The following KCNIP4 variants were observed in gnomAD, a reference collection of about 807,000 sequenced individuals.
KCNIP4 encodes Kv channel-interacting protein 4.
Under a neutral mutation model 34.0 loss-of-function variants are expected in KCNIP4, and 12 were observed. The ratio of observed to expected loss-of-function variants is 0.35; its 90% CI spans 0.23 to 0.57. The LOEUF is 0.57. Ranked by LOEUF, KCNIP4 falls within the 20% of genes least tolerant of loss-of-function variation. The pLI, the probability that KCNIP4 is intolerant of heterozygous loss-of-function variation, is 0.83. For missense variants in KCNIP4, 238 were observed against 311.7 expected (o/e 0.76, Z 1.78); for synonymous variants, 124 against 102.2 (o/e 1.21, Z -1.29).
chr4:21,037,570 G>A (rs541087158), intron 1 of KCNIP4, among the ~76,000 whole-genome samples: 1 of 152,178 alleles, frequency 6.6e-6, no homozygotes, highest in Non-Finnish European at 1.5e-5. Flanking sequence ...TATGCTCTAT[G>A]ATGTTCACAC....
chr4:21,778,565 T>A (rs1719353352), intron 1 of KCNIP4, among the ~76,000 whole-genome samples: 1 of 152,062 alleles, frequency 6.6e-6, no homozygotes, highest in African/African-American at 2.4e-5. Flanking sequence ...GAACCTAAAG[T>A]CAAAAAGAAA....
chr4:20,741,665 G>A (rs113118383), intron 5 of KCNIP4, among the ~76,000 whole-genome samples: 1 of 152,088 alleles, frequency 6.6e-6, no homozygotes, highest in South Asian at 2.1e-4. Flanking sequence ...AAGAAGTAGA[G>A]AAGCAAGAGC....
At chr4:21,092,221 C>CA (rs1320223081) in intron 1 of KCNIP4, among the ~76,000 whole-genome samples, 5 of 151,100 alleles carry the variant, frequency 3.3e-5, no homozygotes, top group South Asian at 2.1e-4. Context: ...TATTTAATTC[C>CA]AAAAAAAATA....
In KCNIP4 at chr4:21,467,078, ACACACACACACACAC is replaced by A. The variant is rs1560434250; in HGVS notation, c.61+481478_61+481492del. 1.5e-3 allele frequency among the ~76,000 whole-genome samples: 84 copies of A among 55,098 alleles called. 2 individuals carry two copies. The highest frequency in any genetic ancestry group is 7.4e-3 in the African/African-American group (81 of 11,004). The allele number at this position is 55,098 out of a possible 152,430, so 36.1% of individuals were successfully genotyped here. A position where few individuals can be genotyped will look rare whatever the true frequency, so the allele number is the denominator to read the frequency against. On this transcript the variant is annotated intron_variant, in intron 1 of 8. Coordinates refer to ENST00000382152, the MANE Select transcript of KCNIP4 (RefSeq NM_025221.6). ...AACCAAACCAAACCAAAACAAACAC[ACACACACACACACAC>A]ACACACACACACACACACACACACA...
At chr4:21,710,499 G>A (rs145776297) in intron 1 of KCNIP4, among the ~76,000 whole-genome samples, 2 of 152,314 alleles carry the variant, frequency 1.3e-5, no homozygotes, top group African/African-American at 4.8e-5. Context: ...CAGTTTTCAT[G>A]TTACACACTC....
chr4:20,882,482 T>G lies in KCNIP4; in HGVS notation c.163+126A>C. 2.6e-5 allele frequency: 18 copies of G among 682,078 alleles called. No homozygotes were observed. In the South Asian group the frequency reaches 3.0e-4, roughly 12 times the overall value. The allele number at this position is 682,078 out of a possible 1,614,324, so 42.3% of individuals were successfully genotyped here. A position where few individuals can be genotyped will look rare whatever the true frequency, so the allele number is the denominator to read the frequency against. On this transcript the variant is annotated intron_variant, in intron 2 of 8. Coordinates refer to ENST00000382152, the MANE Select transcript of KCNIP4 (RefSeq NM_025221.6). ...GTTCTCCTGGGTATTTAGGTAAACA[T>G]GAGTACATCAATAGATTGCTTTTGT... is the stretch of plus-strand genomic sequence containing the variant.
intron 1 of KCNIP4, among the ~76,000 whole-genome samples, chr4:21,763,802 G>A (rs1029017454): frequency 1.3e-5 from 2 of 152,094 alleles, no homozygotes; most frequent in Non-Finnish European, 2.9e-5. Flanking sequence ...GTTGAAAAAT[G>A]AATGTGACAA....
intron 1 of KCNIP4, among the ~76,000 whole-genome samples, chr4:21,201,252 T>C (rs1320606748): frequency 6.6e-6 from 1 of 152,218 alleles, no homozygotes; most frequent in African/African-American, 2.4e-5. Context: ...TAGTGTGGCA[T>C]AAAGCTAACT....
At chr4:21,008,375 G>C (rs901458600) in intron 1 of KCNIP4, among the ~76,000 whole-genome samples, 10 of 152,162 alleles carry the variant, frequency 6.6e-5, no homozygotes, top group African/African-American at 2.4e-4. Flanking sequence ...CAGTGTTTCT[G>C]TCTGAAATTA....
intron 1 of KCNIP4, among the ~76,000 whole-genome samples, chr4:21,016,304 CT>C (rs112678208): frequency 6.4e-4 from 91 of 142,382 alleles, no homozygotes; most frequent in Admixed American, 7.1e-4. Flanking sequence ...TTTCTTTTTT[CT>C]TTTTTTTTTT....
chr4:21,362,924 G>C (rs1396356185), intron 1 of KCNIP4, among the ~76,000 whole-genome samples: 3 of 151,996 alleles, frequency 2.0e-5, no homozygotes, highest in Non-Finnish European at 4.4e-5. Flanking sequence ...TGTCATTCTT[G>C]CATCTGTTAT....
At chr4:21,715,698 T>A (rs1714318224) in intron 1 of KCNIP4, among the ~76,000 whole-genome samples, 1 of 152,218 alleles carries the variant, frequency 6.6e-6, no homozygotes, top group East Asian at 1.9e-4. Flanking sequence ...AGAAAAATTA[T>A]ATCTGCTCTA....
chr4:20,818,920 CTTTTTTTTTTTT>C (rs11382765), intron 3 of KCNIP4, among the ~76,000 whole-genome samples: 9 of 104,954 alleles, frequency 8.6e-5, no homozygotes, highest in South Asian at 3.0e-4. Flanking sequence ...TATATTATCT[CTTTTTTTTTTTT>C]TTTTTTTTTT....
At chr4:21,765,635 C>T (rs1053274719) in intron 1 of KCNIP4, among the ~76,000 whole-genome samples, 71 of 150,554 alleles carry the variant, frequency 4.7e-4, no homozygotes, top group Admixed American at 1.1e-3. Context: ...TCTTTTTTTT[C>T]TTGTGTTAAT....
chr4:21,242,304 T>G (rs1347342440), intron 1 of KCNIP4, among the ~76,000 whole-genome samples: 4 of 151,594 alleles, frequency 2.6e-5, no homozygotes, highest in Non-Finnish European at 5.9e-5. Context: ...CAAACAAGCC[T>G]ACATTAAAAA....
At chr4:21,076,348 C>T (rs1745485624) in intron 1 of KCNIP4, among the ~76,000 whole-genome samples, 1 of 152,110 alleles carries the variant, frequency 6.6e-6, no homozygotes, top group Non-Finnish European at 1.5e-5. Context: ...ACTCTACTCT[C>T]TCATCCTTTC....
At chr4:21,057,664 C>T (rs1276295012) in intron 1 of KCNIP4, among the ~76,000 whole-genome samples, 2 of 152,134 alleles carry the variant, frequency 1.3e-5, no homozygotes, top group Non-Finnish European at 2.9e-5. Flanking sequence ...GAAATGGCCC[C>T]AAAATAACAC....
At chr4:21,127,771 T>A in intron 1 of KCNIP4, among the ~76,000 whole-genome samples, 1 of 152,258 alleles carries the variant, frequency 6.6e-6, no homozygotes, top group East Asian at 1.9e-4. Flanking sequence ...TCTGTTTGCT[T>A]CAGTCCCATT....
chr4:21,263,547 A>T (rs1237424282), intron 1 of KCNIP4, among the ~76,000 whole-genome samples: 1 of 152,244 alleles, frequency 6.6e-6, no homozygotes, highest in Non-Finnish European at 1.5e-5. Flanking sequence ...TATTTGAGCC[A>T]CTACTCAGCT....
Sources: allele counts gnomAD v4.1 joint callset (sites outside exome capture counted in the v4.1 genomes callset), GRCh38; gene constraint gnomAD v4.1.1; transcripts MANE v1.5; gene names NCBI Gene and HGNC (gene_info 2026-07-23, HGNC 2026-07-21).